The following PLIN5 variants were observed in gnomAD, a reference collection of about 807,000 sequenced individuals.
PLIN5 encodes the protein perilipin-5.
Under a neutral mutation model 32.8 loss-of-function variants are expected in PLIN5, and 34 were observed. The observed-to-expected ratio is 1.04, with a 90% CI of 0.79 to 1.38. The LOEUF is 1.38. PLIN5 is among the 40% of genes most tolerant of loss of function. The pLI is 0.00. For missense variants in PLIN5, 712 were observed against 660.5 expected (o/e 1.08, Z -0.85); for synonymous variants, 309 against 292.9 (o/e 1.05, Z -0.56).
Position 4,529,838 on chromosome 19 carries a change from C to A in PLIN5, c.285G>T (p.Arg95Ser), listed in dbSNP as rs1263936818. ...QLATMNSLAC[R>S]GLDKLEEKLP... Reference sequence around the variant, plus strand: ...GCTTCTCTTCCAGCTTGTCCAGGCCCCTGCAGGCGAGGCTGTTCATAGTGG... The same window carrying A: ...GCTTCTCTTCCAGCTTGTCCAGGCCACTGCAGGCGAGGCTGTTCATAGTGG... Residue 95 changes from arginine (R) to serine (S), a missense_variant, in exon 4 of 8, where the codon AGG becomes AGT. Transcript: ENST00000381848. 1 of 1,609,770 alleles carries A rather than the reference C, an allele frequency of 6.2e-7. No individual in the cohort carries two copies. Among genetic ancestry groups the A allele is most frequent in the Admixed American group, 1.7e-5 (1 of 59,800 alleles).
At chr19:4,526,667 G>A (rs1013373376) in intron 5 of PLIN5, among the ~76,000 whole-genome samples, 1 of 151,490 alleles carries the variant, frequency 6.6e-6, no homozygotes, top group African/African-American at 2.4e-5. Context: ...AGGCAATACA[G>A]CAAAAAACCC....
rs1451735999 is a variant in PLIN5, at chr19:4,529,255, T to C, written c.340-2A>G. ...CACGTCCTTGGCTGAGGTCACCACC[T>C]GGAAGGAAGGGCCCCCCCACTCCAG... On this transcript the variant is annotated splice_acceptor_variant, in intron 4 of 7. Coordinates refer to ENST00000381848, the MANE Select transcript of PLIN5 (RefSeq NM_001013706.3). LOFTEE classifies it high-confidence loss of function. The C allele has an allele frequency of 1.3e-6, 2 of 1,595,276 alleles. No individual in the cohort carries two copies. The highest frequency in any genetic ancestry group is 1.3e-5 in the African/African-American group (1 of 74,330).
intron 3 of PLIN5, among the ~76,000 whole-genome samples, chr19:4,530,560 G>C (rs1205543125): frequency 1.3e-5 from 2 of 152,092 alleles, no homozygotes; most frequent in African/African-American, 4.8e-5. Flanking sequence ...AGAGACAAAT[G>C]GACCCAAGGC....
Position 4,531,683 on chromosome 19 carries a change from A to C in PLIN5, c.200T>G (p.Leu67Arg). ...CRLAENCVCG[L>R]TTRALDHAQP... ...GGCGTGGTCCAGGGCACGGGTGGTC[A>C]GGCCGCACACGCAGTTCTCAGCCAG... The change falls in exon 3 of 8, where the codon CTG becomes CGG. Residue 67 changes from leucine to arginine, a missense_variant. Physicochemically the swap from Leu to Arg is moderately radical, Grantham distance 102. Transcript: ENST00000381848. 1 of 1,551,142 alleles carries C rather than the reference A, an allele frequency of 6.4e-7. No homozygotes were observed.
chr19:4,531,921 G>C, intron 2 of PLIN5, 99 bp from the exon 3 acceptor site: 1 of 1,274,352 alleles, frequency 7.8e-7, no homozygotes, highest in Non-Finnish European at 1.0e-6. Flanking sequence ...AGGGATGGGA[G>C]AGTGGAAGGA....
At chr19:4,524,895 G>A (rs982638147) in intron 7 of PLIN5, 68 bp downstream of exon 7, 23 of 1,370,314 alleles carry the variant, frequency 1.7e-5, no homozygotes, top group East Asian at 5.6e-5. Flanking sequence ...CCCGCAGTCC[G>A]TCGCTCCCCC....
intron 1 of PLIN5, chr19:4,534,316 G>A (rs944014271): frequency 3.5e-5 from 20 of 573,354 alleles, no homozygotes; most frequent in African/African-American, 3.0e-4. Flanking sequence ...GGAGTGACTC[G>A]AAGCATGGTC....
Position 4,524,053 on chromosome 19 carries a change from G to A in PLIN5, c.867C>T (p.Ser289=). ...CCGTGCCCTGCAGCTCCTGGGTCAGGCTGCGGGACAGCACCAGCGTCTCCA... is the reference window on the plus strand; with the variant it reads ...CCGTGCCCTGCAGCTCCTGGGTCAGACTGCGGGACAGCACCAGCGTCTCCA... ...AELETLVLSR[S]LTQELQGTVE... The change falls in exon 8 of 8, where the codon AGC becomes AGT. Residue 289 remains serine (S), a synonymous_variant. Transcript: ENST00000381848. 6.8e-7 allele frequency: 1 copy of A among 1,465,076 alleles called. No individual in the cohort carries two copies. The highest frequency in any genetic ancestry group is 2.6e-5 in the Admixed American group (1 of 39,038). The allele number at this position is 1,465,076 out of a possible 1,614,324, so 90.8% of individuals were successfully genotyped here. A position where few individuals can be genotyped will look rare whatever the true frequency, so the allele number is the denominator to read the frequency against.
chr19:4,534,274 CAAT>C, intron 1 of PLIN5, 179 bp from the exon 2 acceptor site: 1 of 596,164 alleles, frequency 1.7e-6, no homozygotes, highest in Non-Finnish European at 3.0e-6. Flanking sequence ...AGAGGGTGTC[CAAT>C]AATGAGCCTC....
chr19:4,525,550 G>A lies in PLIN5; in HGVS notation c.720+83C>T. On this transcript the variant is annotated intron_variant, in intron 6 of 7. Transcript: ENST00000381848. This position sits in a 1 kb window ranked among gnomAD's most constrained non-coding sequence, Gnocchi z 5.6. ...CAGCTCCGCCTCCTGCTTTAGGCTA[G>A]CACGGGATCCGGTATTCAGCTGGTG... is the stretch of plus-strand genomic sequence containing the variant. 6.6e-7 allele frequency: 1 copy of A among 1,524,968 alleles called. No homozygotes were observed. Among genetic ancestry groups the A allele is most frequent in the Non-Finnish European group, 8.9e-7 (1 of 1,121,390 alleles). 94.5% of individuals were successfully genotyped at this position (1,524,968 alleles called of 1,614,324 possible).
Position 4,529,194 on chromosome 19 carries a change from G to A in PLIN5, c.399C>T (p.Ala133=). ...ASSVTGVVDL[A]RRGRRWSVEL... is the part of the protein sequence containing the mutation. ...CCACGCTCCAGCGCCGGCCCCTCCG[G>A]GCCAGGTCCACCACACCCGTGACAC... is the stretch of plus-strand genomic sequence containing the variant. The change falls in exon 5 of 8, where the codon GCC becomes GCT. Residue 133 remains alanine (A), a synonymous_variant. Transcript: ENST00000381848. 6.2e-7 allele frequency: 1 copy of A among 1,612,700 alleles called. No individual in the cohort carries two copies. Among genetic ancestry groups the A allele is most frequent in the Non-Finnish European group, 8.5e-7 (1 of 1,179,720 alleles).
rs1473292525 is a variant in PLIN5 at position 4,523,857 on chromosome 19, G to A, written c.1063C>T (p.His355Tyr). 2 of 1,553,138 alleles carry A rather than the reference G, an allele frequency of 1.3e-6. No individual in the cohort carries two copies. Among genetic ancestry groups the A allele is most frequent in the Admixed American group, 3.9e-5 (2 of 51,880 alleles). The part of the protein sequence containing the change: ...AEGRGRVAHA[H>Y]ACVDELLELV... ...TCCAGCAGCTCGTCCACGCAGGCGT[G>A]CGCGTGGGCCACGCGACCCCGGCCC... Residue 355 changes from histidine to tyrosine, a missense_variant, in exon 8 of 8, where the codon CAC (histidine) becomes TAC (tyrosine). Physicochemically the swap from His to Tyr is moderately conservative, Grantham distance 83. Coordinates refer to ENST00000381848, the MANE Select transcript of PLIN5 (RefSeq NM_001013706.3). The surrounding 1 kb of genome is among the most constrained non-coding windows in gnomAD (Gnocchi z 5.0).
Position 4,523,959 on chromosome 19 carries a change from G to A in PLIN5, c.961C>T (p.Arg321Cys), listed in dbSNP as rs758501934. The A allele has an allele frequency of 8.5e-6, 13 of 1,528,656 alleles. No homozygotes were observed. The highest frequency in any genetic ancestry group is 1.1e-5 in the Non-Finnish European group (13 of 1,145,136). The allele number at this position is 1,528,656 out of a possible 1,614,324, so 94.7% of individuals were successfully genotyped here. ...GAQEKVAEVR[R>C]SVDALQTAFA... ...GCGGTCTGCAGGGCATCCACACTGCGCCGCACCTCAGCCACCTTCTCCTGG... is the reference window on the plus strand; with the variant it reads ...GCGGTCTGCAGGGCATCCACACTGCACCGCACCTCAGCCACCTTCTCCTGG... Residue 321 changes from arginine to cysteine, a missense_variant, in exon 8 of 8, where the codon CGC (arginine) becomes TGC (cysteine). Arg to Cys is a radical substitution (Grantham distance 180). Coordinates refer to ENST00000381848, the MANE Select transcript of PLIN5 (RefSeq NM_001013706.3). The surrounding 1 kb of genome is among the most constrained non-coding windows in gnomAD (Gnocchi z 5.0).
At position 4,524,094 on chromosome 19, in the gene PLIN5, G is replaced by C; in HGVS notation, c.835-9C>G. The C allele has an allele frequency of 7.1e-7, 1 of 1,406,484 alleles. No homozygotes were observed. Among genetic ancestry groups the C allele is most frequent in the Non-Finnish European group, 9.2e-7 (1 of 1,087,128 alleles). 87.1% of individuals were successfully genotyped at this position (1,406,484 alleles called of 1,614,324 possible). ...AGCGTCTCCAGCTCTGCCTGCAGGG[G>C]GCGGGGACCTCAGTTTCCCCTATGG... is the stretch of plus-strand genomic sequence containing the variant. On this transcript the variant is annotated splice_polypyrimidine_tract_variant and intron_variant, in intron 7 of 7. Transcript: ENST00000381848.
In PLIN5 at chr19:4,524,047, G is replaced by C. The variant is rs1207512312; in HGVS notation, c.873C>G (p.Thr291=). ...LETLVLSRSL[T]QELQGTVEAL... is the part of the protein sequence containing the mutation. ...CCTCTACCGTGCCCTGCAGCTCCTG[G>C]GTCAGGCTGCGGGACAGCACCAGCG... Residue 291 remains threonine, a synonymous_variant, in exon 8 of 8, where the codon ACC becomes ACG. Transcript: ENST00000381848. 6.8e-7 allele frequency: 1 copy of C among 1,476,006 alleles called. No individual in the cohort carries two copies. 91.4% of individuals were successfully genotyped at this position (1,476,006 alleles called of 1,614,324 possible). A position where few individuals can be genotyped will look rare whatever the true frequency, so the allele number is the denominator to read the frequency against.
At chr19:4,531,162 G>A (rs369537165) in intron 3 of PLIN5, among the ~76,000 whole-genome samples, 82 of 151,596 alleles carry the variant, frequency 5.4e-4, no homozygotes, top group African/African-American at 2.0e-3. Flanking sequence ...CACCACACCG[G>A]GCCAAGTTTT....
intron 5 of PLIN5, among the ~76,000 whole-genome samples, chr19:4,527,934 G>C (rs1976827473): frequency 1.3e-5 from 2 of 149,176 alleles, no homozygotes. Flanking sequence ...TTTTGAGATA[G>C]AGTCTCGCTC....
chr19:4,531,244 C>A (rs535019216), intron 3 of PLIN5, among the ~76,000 whole-genome samples: 29 of 152,178 alleles, frequency 1.9e-4, no homozygotes, highest in Admixed American at 1.8e-3. Context: ...TGTGATCCAA[C>A]CGCCTCAGCC....
At position 4,525,523 on chromosome 19, in the gene PLIN5, C is replaced by A. The variant is rs1055337294; in HGVS notation, c.720+110G>T. 22 of 1,349,314 alleles carry A rather than the reference C, an allele frequency of 1.6e-5. No individual in the cohort carries two copies. In the African/African-American group the frequency reaches 3.0e-4, roughly 18 times the overall value. 83.6% of individuals were successfully genotyped at this position (1,349,314 alleles called of 1,614,324 possible). A position where few individuals can be genotyped will look rare whatever the true frequency, so the allele number is the denominator to read the frequency against. On this transcript the variant is annotated intron_variant, in intron 6 of 7. Transcript: ENST00000381848. This position sits in a 1 kb window ranked among gnomAD's most constrained non-coding sequence, Gnocchi z 5.6. ...ACACATGCAGCTGGAGACAGCTGCA[C>A]CCAGCTCCGCCTCCTGCTTTAGGCT... is the stretch of plus-strand genomic sequence containing the variant.
Sources: gnomAD v4.1 joint callset for allele counts (sites outside exome capture counted in the v4.1 genomes callset) on GRCh38, gnomAD v4.1.1 for gene constraint, Gnocchi (gnomAD v3.1) non-coding constraint, MANE v1.5 for transcripts, NCBI Gene and HGNC (gene_info 2026-07-23, HGNC 2026-07-21) for gene names.